EPB41L2: variants seen among roughly 807,000 people sequenced by gnomAD.
EPB41L2 encodes the protein erythrocyte membrane protein band 4.1 like 2.
EPB41L2 carries 43 observed loss-of-function variants against 113.0 expected under a neutral mutation model. The observed-to-expected ratio is 0.38, with a 90% confidence interval of 0.30 to 0.49. The LOEUF (loss-of-function observed/expected upper bound fraction) is 0.49, where lower values mean the gene tolerates loss of function less well. EPB41L2 is among the 20% of genes least tolerant of loss of function. The pLI is 0.95. For synonymous variants in EPB41L2, 442 were observed against 436.7 expected (o/e 1.01, Z -0.15); for missense variants, 1,147 against 1,223.4 (o/e 0.94, Z 0.93).
At chr6:130,914,401 C>T (rs1035484530) in intron 4 of EPB41L2, among the ~76,000 whole-genome samples, 4 of 152,142 alleles carry the variant, frequency 2.6e-5, no homozygotes, top group Non-Finnish European at 5.9e-5. Context: ...ATCAGACTTT[C>T]GGTTCACAAA....
chr6:130,869,424 C>G, intron 15 of EPB41L2, 139 bp downstream of exon 15: 1 of 813,090 alleles, frequency 1.2e-6, no homozygotes. Flanking sequence ...CAGTGCTTCC[C>G]CCTTCCTCCC....
rs1230057109 is a variant in EPB41L2 at position 130,841,510 on chromosome 6, G to A, written c.*6-912C>T. 3.0e-4 allele frequency among the ~76,000 whole-genome samples: 46 copies of A among 152,302 alleles called. 1 individual carries two copies. Among genetic ancestry groups the A allele is most frequent in the Admixed American group, 3.0e-3 (46 of 15,296 alleles). On this transcript the variant is annotated intron_variant, in intron 19 of 19. Transcript: ENST00000337057. ...TGAAGCCGGCAAGGAGTAGAGGCAG[G>A]AACAACAGTCAGGAGACCAGTGCAG...
At chr6:130,864,274 C>T in intron 17 of EPB41L2, among the ~76,000 whole-genome samples, 1 of 152,188 alleles carries the variant, frequency 6.6e-6, no homozygotes, top group East Asian at 1.9e-4. Context: ...TCTGAGCATA[C>T]AAATTTATTT....
intron 3 of EPB41L2, among the ~76,000 whole-genome samples, chr6:130,928,771 C>A (rs1010288265): frequency 2.6e-5 from 4 of 152,226 alleles, no homozygotes; most frequent in African/African-American, 9.6e-5. Flanking sequence ...TATCATTCAA[C>A]ATTTTGTAAG....
At chr6:131,041,980 C>T (rs1794535870) in intron 1 of EPB41L2, among the ~76,000 whole-genome samples, 2 of 152,116 alleles carry the variant, frequency 1.3e-5, no homozygotes, top group Admixed American at 1.3e-4. Flanking sequence ...TTACTCATCA[C>T]AGACCTATTT....
At position 130,865,537 on chromosome 6, in the gene EPB41L2, T is replaced by C. The variant is rs779768264; in HGVS notation, c.2828A>G (p.Lys943Arg). The C allele has an allele frequency of 7.4e-6, 12 of 1,614,104 alleles. No individual in the cohort carries two copies. The highest frequency in any genetic ancestry group is 1.0e-5 in the Non-Finnish European group (12 of 1,179,964). ...ATATGATCCCCTGCATTGCTTTACC[T>C]TGGTGATGTGTGTGGTTGTCGTTGT... The part of the protein sequence containing the change: ...VSTTTTTHIT[K>R]TVKGGISETR... The change falls in exon 17 of 20, where the codon AAG becomes AGG. Residue 943 changes from lysine to arginine, a missense_variant and splice_region_variant. By Grantham distance (26) the Lys-to-Arg change is conservative. Transcript: ENST00000337057.
intron 14 of EPB41L2, among the ~76,000 whole-genome samples, chr6:130,871,946 A>C (rs941593858): frequency 2.0e-5 from 3 of 152,198 alleles, no homozygotes; most frequent in Non-Finnish European, 2.9e-5. Flanking sequence ...AGGGTCATTC[A>C]AAAGCAATTA....
intron 1 of EPB41L2, among the ~76,000 whole-genome samples, chr6:131,017,633 T>C (rs1788528625): frequency 1.3e-5 from 2 of 152,322 alleles, no homozygotes; most frequent in Non-Finnish European, 2.9e-5. Context: ...CTATTATCAA[T>C]GTGTCAATAA....
At chr6:131,021,188 T>C (rs1399207453) in intron 1 of EPB41L2, among the ~76,000 whole-genome samples, 1 of 152,164 alleles carries the variant, frequency 6.6e-6, no homozygotes, top group Non-Finnish European at 1.5e-5. Context: ...CAGAAGGAGC[T>C]CATGCAGAAG....
At chr6:130,923,988 C>A (rs765489123) in intron 4 of EPB41L2, among the ~76,000 whole-genome samples, 2 of 152,150 alleles carry the variant, frequency 1.3e-5, no homozygotes, top group Non-Finnish European at 2.9e-5. Flanking sequence ...AACTCCCCCT[C>A]CCCCAGCCCC....
intron 1 of EPB41L2, among the ~76,000 whole-genome samples, chr6:130,961,555 A>C (rs532703044): frequency 2.0e-5 from 3 of 152,338 alleles, no homozygotes; most frequent in African/African-American, 7.2e-5. Context: ...CCTTAATCAG[A>C]ATACTACAGC....
intron 1 of EPB41L2, among the ~76,000 whole-genome samples, chr6:130,997,521 C>G (rs1783420052): frequency 6.6e-6 from 1 of 152,118 alleles, no homozygotes; most frequent in African/African-American, 2.4e-5. Context: ...CAAGAAAGAG[C>G]CTTTCTTTGT....
At chr6:130,864,839 G>A (rs1783208750) in intron 17 of EPB41L2, among the ~76,000 whole-genome samples, 1 of 152,188 alleles carries the variant, frequency 6.6e-6, no homozygotes, top group Non-Finnish European at 1.5e-5. Flanking sequence ...ACACCTTTAA[G>A]ACCTTTAGAC....
chr6:130,881,387 T>C (rs1413145426), intron 12 of EPB41L2: 2 of 152,208 alleles, frequency 1.3e-5, no homozygotes, highest in Non-Finnish European at 2.9e-5. Context: ...TTCAATAATC[T>C]GTTAAGAAAC....
intron 1 of EPB41L2, among the ~76,000 whole-genome samples, chr6:131,049,871 A>G (rs1796189566): frequency 1.3e-5 from 2 of 152,240 alleles, no homozygotes; most frequent in South Asian, 4.1e-4. Context: ...AGACTTCCTG[A>G]GTTTTCCAAG....
rs1687460817 is a variant in EPB41L2, at chr6:130,858,243, C to A, written c.2911G>T (p.Ala971Ser). Residue 971 changes from alanine (A) to serine (S), a missense_variant and splice_region_variant, in exon 19 of 20, where the codon GCA becomes TCA. Transcript: ENST00000337057. ...GCTTCCCTGATCGCCTGAGCCAGTG[C>A]CTGCCAGGGTCAGGACAGAGAACGG... The part of the protein sequence containing the change: ...TGDGDIDHDQ[A>S]LAQAIREARE... 1.2e-6 allele frequency: 2 copies of A among 1,610,202 alleles called. No individual in the cohort carries two copies. Among genetic ancestry groups the A allele is most frequent in the Non-Finnish European group, 8.5e-7 (1 of 1,178,018 alleles).
At chr6:131,039,535 T>G (rs962445990) in intron 1 of EPB41L2, among the ~76,000 whole-genome samples, 1 of 152,214 alleles carries the variant, frequency 6.6e-6, no homozygotes, top group Non-Finnish European at 1.5e-5. Context: ...TTTGCTGAAT[T>G]AGGGCCTCAG....
chr6:130,904,420 A>C, intron 6 of EPB41L2, 45 bp downstream of exon 6: 4 of 1,353,962 alleles, frequency 3.0e-6, no homozygotes, highest in Non-Finnish European at 4.2e-6. Flanking sequence ...AAAATAAACG[A>C]GAGCTGTAAG....
In EPB41L2 at chr6:131,033,021, G is replaced by A. The variant is rs141810651; in HGVS notation, c.-15+30134C>T. Among the ~76,000 whole-genome samples the A allele has an allele frequency of 7.9e-3, 1,200 of 152,074 alleles. 13 individuals carry two copies. Among genetic ancestry groups the A allele is most frequent in the African/African-American group, 0.027 (1,129 of 41,476 alleles). ...CTCCCGAGTAGCTGGGATTACAGGC[G>A]CTTGCCACCACACCTGGCTAATTTT... is the stretch of plus-strand genomic sequence containing the variant. On this transcript the variant is annotated intron_variant, in intron 1 of 19. Coordinates refer to ENST00000337057, the MANE Select transcript of EPB41L2 (RefSeq NM_001431.4).
Sources: gnomAD v4.1 joint callset for allele counts (sites outside exome capture counted in the v4.1 genomes callset) on GRCh38, gnomAD v4.1.1 for gene constraint, MANE v1.5 for transcripts, NCBI Gene and HGNC (gene_info 2026-07-23, HGNC 2026-07-21) for gene names.